BMPR1B: variants seen among roughly 807,000 people sequenced by gnomAD.
The protein encoded by BMPR1B is bone morphogenetic protein receptor type-1B.
A neutral mutation model predicts 59.1 loss-of-function variants in BMPR1B; 12 were observed. The observed-to-expected ratio is 0.20, with a 90% CI of 0.13 to 0.33. The LOEUF (loss-of-function observed/expected upper bound fraction) is 0.33, where lower values mean the gene tolerates loss of function less well. BMPR1B is among the 10% of genes least tolerant of loss of function. The pLI, the probability that BMPR1B is intolerant of heterozygous loss-of-function variation, is 1.00. For synonymous variants in BMPR1B, 237 were observed against 207.3 expected (o/e 1.14, Z -1.23); for missense variants, 550 against 610.9 (o/e 0.90, Z 1.05).
At chr4:94,926,006 T>C (rs1280131613) in intron 2 of BMPR1B, among the ~76,000 whole-genome samples, 7 of 129,588 alleles carry the variant, frequency 5.4e-5, no homozygotes, top group African/African-American at 2.0e-4. Flanking sequence ...TCCTCTTTCC[T>C]CCCCTTCCCT....
intron 1 of BMPR1B, among the ~76,000 whole-genome samples, chr4:94,765,452 A>G (rs1721935191): frequency 6.6e-6 from 1 of 152,188 alleles, no homozygotes; most frequent in African/African-American, 2.4e-5. Flanking sequence ...TATATTTCGT[A>G]GACTATTTTA....
chr4:95,060,621 A>G (rs1297492497), intron 3 of BMPR1B, among the ~76,000 whole-genome samples: 1 of 152,184 alleles, frequency 6.6e-6, no homozygotes, highest in Non-Finnish European at 1.5e-5. Flanking sequence ...CTGTCTCCAA[A>G]TAGTCATGAG....
intron 7 of BMPR1B, among the ~76,000 whole-genome samples, chr4:95,124,160 G>A (rs1247895243): frequency 6.6e-6 from 1 of 151,998 alleles, no homozygotes. Context: ...AACTAGGGTA[G>A]TTAGAGACTT....
chr4:94,866,764 A>C (rs1358977211), intron 1 of BMPR1B, among the ~76,000 whole-genome samples: 2 of 151,942 alleles, frequency 1.3e-5, no homozygotes, highest in Non-Finnish European at 1.5e-5. Context: ...TTGTGTTTTT[A>C]GTAGAGATGG....
chr4:95,090,300 T>A (rs550210267), intron 3 of BMPR1B, among the ~76,000 whole-genome samples: 1 of 151,816 alleles, frequency 6.6e-6, no homozygotes, highest in Non-Finnish European at 1.5e-5. Context: ...TTACATTTTA[T>A]AAAAATTATA....
intron 1 of BMPR1B, among the ~76,000 whole-genome samples, chr4:94,760,855 A>C (rs913415641): frequency 3.3e-5 from 5 of 152,226 alleles, no homozygotes; most frequent in Admixed American, 6.5e-5. Flanking sequence ...AACTTGTGAT[A>C]CTGATTCTTT....
intron 3 of BMPR1B, among the ~76,000 whole-genome samples, chr4:95,004,697 T>G (rs1722697847): frequency 6.6e-6 from 1 of 152,212 alleles, no homozygotes; most frequent in African/African-American, 2.4e-5. Context: ...ATCAGTAAAT[T>G]AATGTATCAT....
chr4:95,116,415 G>GCACACACACACACACA (rs1491178901), intron 6 of BMPR1B, among the ~76,000 whole-genome samples: 6 of 67,842 alleles, frequency 8.8e-5, no homozygotes, highest in African/African-American at 4.8e-4. Context: ...CATGCTTTCA[G>GCACACACACACACACA]CGCGCGCACA....
At chr4:95,098,762 G>T (rs962660043) in intron 3 of BMPR1B, among the ~76,000 whole-genome samples, 2 of 151,948 alleles carry the variant, frequency 1.3e-5, no homozygotes, top group African/African-American at 4.8e-5. Flanking sequence ...TGTCACCCAG[G>T]CTGGAGTGCA....
intron 1 of BMPR1B, among the ~76,000 whole-genome samples, chr4:94,864,999 A>G (rs1726156919): frequency 6.6e-6 from 1 of 151,930 alleles, no homozygotes; most frequent in African/African-American, 2.4e-5. Context: ...ATAATCTTCA[A>G]GTTTTTCTTT....
At chr4:94,874,135 G>A (rs1426520491) in intron 1 of BMPR1B, among the ~76,000 whole-genome samples, 8 of 152,030 alleles carry the variant, frequency 5.3e-5, no homozygotes, top group African/African-American at 1.9e-4. Context: ...ATATATATAT[G>A]TGTGTATATA....
chr4:94,913,516 C>T (rs980378570), intron 2 of BMPR1B, among the ~76,000 whole-genome samples: 4 of 152,132 alleles, frequency 2.6e-5, no homozygotes, highest in Non-Finnish European at 4.4e-5. Context: ...AATATCTAAA[C>T]TTTGCTTTGC....
At chr4:94,952,634 A>G (rs1053123100) in intron 2 of BMPR1B, among the ~76,000 whole-genome samples, 19 of 152,100 alleles carry the variant, frequency 1.2e-4, no homozygotes, top group African/African-American at 4.6e-4. Context: ...ACTGTTTGTT[A>G]TGGTATCTGT....
At chr4:94,902,106 CAACTT>C (rs376487654) in intron 2 of BMPR1B, among the ~76,000 whole-genome samples, 10 of 132,424 alleles carry the variant, frequency 7.6e-5, no homozygotes, top group Admixed American at 4.6e-4. Context: ...TTAAAGGAAA[CAACTT>C]GACTATCCCT....
chr4:95,142,901 T>C (rs1394995192), intron 10 of BMPR1B, among the ~76,000 whole-genome samples: 1 of 152,050 alleles, frequency 6.6e-6, no homozygotes, highest in Non-Finnish European at 1.5e-5. Context: ...TGAAAAACAT[T>C]TAATATATTA....
rs547221006 is a variant in BMPR1B at position 94,858,496 on chromosome 4, G to A, written c.-182-17335G>A. Among the ~76,000 whole-genome samples the A allele has an allele frequency of 8.5e-5, 13 of 152,146 alleles. No individual in the cohort carries two copies. In the South Asian group the frequency reaches 1.2e-3, roughly 15 times the overall value. ...TTTCTATTATAGAATTTTGGATTAGGCATTTATTTTAAGATGTGGCAAGAG... is the reference window on the plus strand; with the variant it reads ...TTTCTATTATAGAATTTTGGATTAGACATTTATTTTAAGATGTGGCAAGAG... On this transcript the variant is annotated intron_variant, in intron 1 of 12. Transcript: ENST00000515059.
intron 3 of BMPR1B, among the ~76,000 whole-genome samples, chr4:95,074,211 T>C (rs1396590246): frequency 6.6e-6 from 1 of 152,130 alleles, no homozygotes; most frequent in Non-Finnish European, 1.5e-5. Context: ...TTCAGCTCTT[T>C]CTTAGCTCTG....
chr4:95,086,256 G>A (rs542536565), intron 3 of BMPR1B, among the ~76,000 whole-genome samples: 1 of 152,212 alleles, frequency 6.6e-6, no homozygotes, highest in African/African-American at 2.4e-5. Flanking sequence ...GTTCGTTGCT[G>A]TTTGTGTTTA....
chr4:95,004,416 A>T (rs1173312406), intron 3 of BMPR1B, among the ~76,000 whole-genome samples: 2 of 152,156 alleles, frequency 1.3e-5, no homozygotes, highest in Non-Finnish European at 2.9e-5. Flanking sequence ...GTTGATAAGC[A>T]GGTTGTTCTT....
Sources: gnomAD v4.1 joint callset for allele counts (sites outside exome capture counted in the v4.1 genomes callset) on GRCh38, gnomAD v4.1.1 for gene constraint, MANE v1.5 for transcripts, NCBI Gene and HGNC (gene_info 2026-07-23, HGNC 2026-07-21) for gene names.